Variants in RBM26 observed in about 807,000 individuals in gnomAD.
RBM26 encodes the protein RNA-binding protein 26.
RBM26 carries 30 observed loss-of-function variants against 123.6 expected under a neutral mutation model. The observed-to-expected ratio is 0.24, with a 90% CI of 0.18 to 0.33. RBM26 has a LOEUF of 0.33. RBM26 is among the 10% of genes least tolerant of loss of function. The pLI is 1.00. For synonymous variants in RBM26, 400 were observed against 404.4 expected (o/e 0.99, Z 0.13); for missense variants, 947 against 1,203.6 (o/e 0.79, Z 3.15).
intron 9 of RBM26, among the ~76,000 whole-genome samples, chr13:79,360,944 C>T (rs1266573337): frequency 6.6e-6 from 1 of 152,060 alleles, no homozygotes; most frequent in African/African-American, 2.4e-5. Context: ...CCTATTTTTA[C>T]ATATTTCTAA....
At chr13:79,353,438 T>C (rs1463793907) in intron 13 of RBM26, among the ~76,000 whole-genome samples, 1 of 152,124 alleles carries the variant, frequency 6.6e-6, no homozygotes, top group Non-Finnish European at 1.5e-5. Flanking sequence ...TGAAAAATGA[T>C]GTAAACTAAG....
chr13:79,400,997 T>C lies in RBM26; in HGVS notation c.71+4707A>G, dbSNP rs1008348982. 6.6e-5 allele frequency among the ~76,000 whole-genome samples: 10 copies of C among 152,192 alleles called. 1 individual carries two copies. The South Asian group carries it at 2.1e-3, about 32-fold the overall frequency. On this transcript the variant is annotated intron_variant, in intron 1 of 21. Transcript: ENST00000438737. ...GTGACTAGAAGCGTTTTATCTTTTG[T>C]TTTGTTTTTTGCTATTATTGCTGAG...
exon 5 of RBM26, chr13:79,313,420 C>T (rs1292762757): frequency 1.3e-5 from 2 of 151,734 alleles, no homozygotes; most frequent in Non-Finnish European, 3.0e-5. Flanking sequence ...TCCAGGATGA[C>T]AAAGTTGCAG....
chr13:79,334,391 A>C lies in RBM26; in HGVS notation c.2773T>G (p.Ser925Ala), dbSNP rs1333952661. 2 of 1,572,548 alleles carry C rather than the reference A, an allele frequency of 1.3e-6. No homozygotes were observed. The highest frequency in any genetic ancestry group is 1.7e-6 in the Non-Finnish European group (2 of 1,159,892). ...EIEDCQIDDS[S>A]LHAVITFKTR... ...TTGAATGTAATTACTGCATGAAGTG[A>C]GGAATCATCAATCTGACAATCTTCA... The change falls in exon 20 of 22, where the codon TCA (serine) becomes GCA (alanine). Residue 925 changes from serine (S) to alanine (A), a missense_variant. Around this residue, in one of 5 missense-constraint regions of RBM26, gnomAD observed 164 missense variants for 215.3 expected, o/e 0.76. Coordinates refer to ENST00000438737, the MANE Select transcript of RBM26 (RefSeq NM_001366735.2).
intron 1 of RBM26, among the ~76,000 whole-genome samples, chr13:79,394,054 T>C (rs2078337658): frequency 6.6e-6 from 1 of 152,152 alleles, no homozygotes; most frequent in South Asian, 2.1e-4. Flanking sequence ...TTTACTGTGT[T>C]TACACAGTAG....
In RBM26 at chr13:79,405,935, G is replaced by A; in HGVS notation, c.-161C>T. 2.9e-6 allele frequency: 1 copy of A among 347,994 alleles called. No homozygotes were observed. Among genetic ancestry groups the A allele is most frequent in the Non-Finnish European group, 5.1e-6 (1 of 196,318 alleles). The allele number at this position is 347,994 out of a possible 1,614,324, so 21.6% of individuals were successfully genotyped here. A position where few individuals can be genotyped will look rare whatever the true frequency, so the allele number is the denominator to read the frequency against. On this transcript the variant is annotated 5_prime_UTR_variant, in exon 1 of 22. Transcript: ENST00000438737. ...CGGGCCCCGGTCGGCGAACAGCTCT[G>A]CAAGGACCGCCGCAGGCCACAAGTG...
intron 1 of RBM26, among the ~76,000 whole-genome samples, chr13:79,388,439 T>TA (rs1594652812): frequency 6.6e-6 from 1 of 152,236 alleles, no homozygotes; most frequent in Admixed American, 6.5e-5. Flanking sequence ...ACTCCTGTTT[T>TA]AACCTTCCCC....
Position 79,375,214 on chromosome 13 carries a change from A to G in RBM26, c.327+2165T>C, listed in dbSNP as rs2076579311. Among the ~76,000 whole-genome samples the G allele has an allele frequency of 4.0e-5, 5 of 125,730 alleles. No individual in the cohort carries two copies. The South Asian group carries it at 9.7e-4, about 24-fold the overall frequency. The allele number at this position is 125,730 out of a possible 152,430, so 82.5% of individuals were successfully genotyped here. A position where few individuals can be genotyped will look rare whatever the true frequency, so the allele number is the denominator to read the frequency against. The stretch of plus-strand genomic sequence containing the variant: ...TGAGACGGAGTTTAGCTCTTGTCAC[A>G]CAGGCTGGAGTGCAATGGCATGGTC... On this transcript the variant is annotated intron_variant, in intron 3 of 21. Transcript: ENST00000438737.
chr13:79,367,662 C>T (rs373469104), intron 6 of RBM26, among the ~76,000 whole-genome samples: 30 of 152,108 alleles, frequency 2.0e-4, no homozygotes, highest in East Asian at 7.8e-4. Flanking sequence ...TCTCCCTTCG[C>T]CTTCTACCAT....
At chr13:79,347,058 T>C (rs2072448472) in intron 14 of RBM26, among the ~76,000 whole-genome samples, 1 of 152,218 alleles carries the variant, frequency 6.6e-6, no homozygotes, top group Non-Finnish European at 1.5e-5. Context: ...TTCTCCAGTT[T>C]CAGTGAGAAT....
chr13:79,334,225 T>A (rs551704360), intron 20 of RBM26, 119 bp downstream of exon 20: 1 of 572,870 alleles, frequency 1.7e-6, no homozygotes, highest in Admixed American at 3.7e-5. Context: ...ACTTCAGGTG[T>A]TCTACCTATT....
At chr13:79,400,804 G>A (rs1161781442) in intron 1 of RBM26, among the ~76,000 whole-genome samples, 8 of 152,140 alleles carry the variant, frequency 5.3e-5, no homozygotes, top group Non-Finnish European at 1.2e-4. Flanking sequence ...AATATAAATT[G>A]ATTGGTAACA....
chr13:79,354,466 G>A lies in RBM26; in HGVS notation c.1959C>T (p.Ala653=). 1.3e-6 allele frequency: 2 copies of A among 1,597,566 alleles called. No individual in the cohort carries two copies. Among genetic ancestry groups the A allele is most frequent in the Non-Finnish European group, 1.7e-6 (2 of 1,169,126 alleles). Residue 653 remains alanine, a synonymous_variant, in exon 13 of 22, where the codon GCC becomes GCT. Transcript: ENST00000438737. ...GAGGAAGGTCTGAAGAGGCACTCTG[G>A]GCTTCTGCAGGTTCAATAGTACTTG... is the stretch of plus-strand genomic sequence containing the variant. The part of the protein sequence containing the change: ...VPSSTIEPAE[A]QSASSDLPQN...
chr13:79,371,218 A>C, intron 4 of RBM26, 56 bp from the exon 5 acceptor site: 1 of 1,405,034 alleles, frequency 7.1e-7, no homozygotes, highest in South Asian at 1.2e-5. Context: ...CACAGGAAAA[A>C]GCTAATTAAA....
chr13:79,327,067 AG>A (rs776003940), intron 20 of RBM26, among the ~76,000 whole-genome samples: 21 of 152,234 alleles, frequency 1.4e-4, no homozygotes, highest in Admixed American at 2.0e-4. Flanking sequence ...AGGCTGAGAC[AG>A]GCAGATTGGT....
chr13:79,400,946 G>A (rs1184590014), intron 1 of RBM26, among the ~76,000 whole-genome samples: 3 of 152,106 alleles, frequency 2.0e-5, no homozygotes, highest in East Asian at 1.9e-4. Context: ...ATTTACCAGC[G>A]ACAGGAACAG....
chr13:79,312,264 C>G (rs1290709352), exon 5 of RBM26: 1 of 152,050 alleles, frequency 6.6e-6, no homozygotes, highest in South Asian at 2.1e-4. Flanking sequence ...TAGAAGAAAT[C>G]TTGTGCCAGA....
downstream of RBM26, among the ~76,000 whole-genome samples, chr13:79,317,638 T>C (rs2138268823): frequency 6.6e-6 from 1 of 151,910 alleles, no homozygotes; most frequent in South Asian, 2.1e-4. Flanking sequence ...AAGTGTATTT[T>C]ACCTCTGAAA....
At chr13:79,327,924 A>G (rs551315660) in intron 20 of RBM26, among the ~76,000 whole-genome samples, 1 of 152,224 alleles carries the variant, frequency 6.6e-6, no homozygotes, top group South Asian at 2.1e-4. Flanking sequence ...CCCTGAATCT[A>G]AAAATTAAAT....
Sources: allele counts gnomAD v4.1 joint callset (sites outside exome capture counted in the v4.1 genomes callset), GRCh38; gene constraint gnomAD v4.1.1; regional missense constraint gnomAD v4.1.1; transcripts MANE v1.5; gene names NCBI Gene and HGNC (gene_info 2026-07-23, HGNC 2026-07-21).